Variants in UST observed in about 807,000 individuals in gnomAD.
The protein encoded by UST is chondroitin sulfate 2-O-sulfotransferase.
Under a neutral mutation model 45.6 loss-of-function variants are expected in UST, and 21 were observed. The observed-to-expected ratio is 0.46, with a 90% CI of 0.33 to 0.66. UST has a LOEUF of 0.66. Among genes scored for constraint, UST ranks in the 30% least tolerant of loss-of-function variants. UST has a pLI of 0.02. For missense variants in UST, 463 were observed against 512.4 expected (o/e 0.90, Z 0.93); for synonymous variants, 215 against 200.6 (o/e 1.07, Z -0.61).
intron 1 of UST, among the ~76,000 whole-genome samples, chr6:148,813,104 G>A (rs1338063310): frequency 6.6e-6 from 1 of 152,064 alleles, no homozygotes; most frequent in African/African-American, 2.4e-5. Flanking sequence ...ATTTTCTTAT[G>A]TGTTTGTATT....
chr6:148,843,900 A>T (rs1254922185), intron 1 of UST, among the ~76,000 whole-genome samples: 1 of 152,146 alleles, frequency 6.6e-6, no homozygotes, highest in Non-Finnish European at 1.5e-5. Context: ...ATACTTAATG[A>T]ATACTTGCTG....
chr6:148,797,618 T>C (rs56120758), intron 1 of UST, among the ~76,000 whole-genome samples: 50,705 of 152,020 alleles, frequency 0.33, 9,137 homozygotes, highest in East Asian at 0.61. Context: ...TGATAAGGTA[T>C]GTGATGGAAA....
chr6:148,748,049 G>A lies in UST; in HGVS notation c.247+372G>A, dbSNP rs77069598. 0.012 allele frequency among the ~76,000 whole-genome samples: 1,797 copies of A among 152,214 alleles called. 32 individuals are homozygous for A. The highest frequency in any genetic ancestry group is 0.04 in the African/African-American group (1,648 of 41,528). On this transcript the variant is annotated intron_variant, in intron 1 of 7. Transcript: ENST00000367463. The surrounding 1 kb of genome is among the most constrained non-coding windows in gnomAD (Gnocchi z 5.3). ...GCCTGGCGGCGCGGGGAGTGGCGAAGGGAAGGGAAGGTCCTCTTCGTTGCA... is the reference window on the plus strand; with the variant it reads ...GCCTGGCGGCGCGGGGAGTGGCGAAAGGAAGGGAAGGTCCTCTTCGTTGCA...
At chr6:148,801,758 T>TTC (rs1167224637) in intron 1 of UST, among the ~76,000 whole-genome samples, 1 of 152,254 alleles carries the variant, frequency 6.6e-6, no homozygotes, top group East Asian at 1.9e-4. Flanking sequence ...GCATATCTCA[T>TTC]TCTCTCTCTG....
chr6:149,027,187 A>T (rs958900833), intron 7 of UST, among the ~76,000 whole-genome samples: 1 of 152,230 alleles, frequency 6.6e-6, no homozygotes, highest in African/African-American at 2.4e-5. Context: ...TTTGCTAGAA[A>T]ATGATAACAA....
Position 149,005,599 on chromosome 6 carries a change from C to T in UST, c.682-13540C>T, listed in dbSNP as rs141047690. On this transcript the variant is annotated intron_variant, in intron 5 of 7. Coordinates refer to ENST00000367463, the MANE Select transcript of UST (RefSeq NM_005715.3). ...ATTGGTACTCAGTAAAGGTTAGTCC[C>T]TTCCTTCTTCTCTCCCTCCCTCTCT... 6.9e-4 allele frequency: 681 copies of T among 985,408 alleles called. 6 individuals are homozygous for T. The African/African-American group carries it at 0.011, about 16-fold the overall frequency. The allele number at this position is 985,408 out of a possible 1,614,324, so 61.0% of individuals were successfully genotyped here.
chr6:149,072,358 G>T (rs566837238), intron 7 of UST, among the ~76,000 whole-genome samples: 17 of 152,240 alleles, frequency 1.1e-4, no homozygotes, highest in African/African-American at 3.8e-4. Context: ...AACCTTAAAA[G>T]GAATGAAGTT....
At chr6:148,787,264 A>G (rs1723484630) in intron 1 of UST, among the ~76,000 whole-genome samples, 1 of 152,202 alleles carries the variant, frequency 6.6e-6, no homozygotes, top group Non-Finnish European at 1.5e-5. Context: ...ATCTTTGCCC[A>G]TGCATATGTC....
chr6:149,047,846 TC>T (rs1776416268), intron 7 of UST, among the ~76,000 whole-genome samples: 1 of 152,220 alleles, frequency 6.6e-6, no homozygotes, highest in Non-Finnish European at 1.5e-5. Flanking sequence ...TGGCCAGTGA[TC>T]TTTTTTTAAA....
In UST at chr6:148,921,445, T is replaced by A. The variant is rs146452988; in HGVS notation, c.292-19834T>A. Among the ~76,000 whole-genome samples, 546 of 152,338 alleles carry A rather than the reference T, an allele frequency of 3.6e-3. 5 individuals are homozygous for A. Among genetic ancestry groups the A allele is most frequent in the African/African-American group, 0.013 (525 of 41,564 alleles). ...TGATTTTGTGTGTTGTATAGTATGC[T>A]TGTTGTTTGTTGGGTGGTTGTGAAA... On this transcript the variant is annotated intron_variant, in intron 2 of 7. Coordinates refer to ENST00000367463, the MANE Select transcript of UST (RefSeq NM_005715.3).
At chr6:148,893,046 A>G (rs563602707) in intron 2 of UST, among the ~76,000 whole-genome samples, 2 of 152,346 alleles carry the variant, frequency 1.3e-5, no homozygotes, top group South Asian at 4.1e-4. Context: ...ACAAATAGCT[A>G]GAACTGCTTC....
chr6:148,872,094 C>CATT (rs1778570291), intron 1 of UST, among the ~76,000 whole-genome samples: 3 of 152,130 alleles, frequency 2.0e-5, no homozygotes, highest in African/African-American at 7.2e-5. Flanking sequence ...AATGTACTGA[C>CATT]TCGTAACAAA....
At chr6:149,016,672 C>T (rs1211946468) in intron 5 of UST, among the ~76,000 whole-genome samples, 1 of 152,220 alleles carries the variant, frequency 6.6e-6, no homozygotes, top group Non-Finnish European at 1.5e-5. Context: ...CTGTAGGAGG[C>T]TCTGGCGGTC....
chr6:149,070,303 C>T (rs916343853), intron 7 of UST, among the ~76,000 whole-genome samples: 1 of 152,144 alleles, frequency 6.6e-6, no homozygotes, highest in African/African-American at 2.4e-5. Context: ...AAAGGAACAC[C>T]TAAGACCTGT....
chr6:149,053,122 CT>C (rs1247362560), intron 7 of UST, among the ~76,000 whole-genome samples: 1 of 152,056 alleles, frequency 6.6e-6, no homozygotes, highest in Admixed American at 6.5e-5. Context: ...TTTTAAAAGT[CT>C]TTTTAGGGTC....
chr6:148,951,677 A>G (rs1780368058), intron 3 of UST, among the ~76,000 whole-genome samples: 1 of 152,222 alleles, frequency 6.6e-6, no homozygotes, highest in Admixed American at 6.5e-5. Context: ...AGTTCAGAAT[A>G]TGACTGCTTG....
At chr6:148,981,314 A>T (rs1252549143) in intron 5 of UST, among the ~76,000 whole-genome samples, 4 of 152,232 alleles carry the variant, frequency 2.6e-5, no homozygotes, top group Non-Finnish European at 4.4e-5. Flanking sequence ...ACTTGCCTAC[A>T]GTGAAGCCGC....
chr6:148,803,079 G>C (rs1777081136), intron 1 of UST, among the ~76,000 whole-genome samples: 1 of 152,066 alleles, frequency 6.6e-6, no homozygotes, highest in African/African-American at 2.4e-5. Flanking sequence ...TCCTGTGGCA[G>C]GGGCTGGAGT....
chr6:148,942,943 T>G lies in UST; in HGVS notation c.447+1509T>G, dbSNP rs142324552. 2.6e-5 allele frequency among the ~76,000 whole-genome samples: 4 copies of G among 152,326 alleles called. No individual in the cohort carries two copies. In the East Asian group the frequency reaches 7.7e-4, roughly 29 times the overall value. ...TATTTTAAGGTTATACCTTGTAGGT[T>G]CCATATTAGGGTCTCCAAAGAAAAG... On this transcript the variant is annotated intron_variant, in intron 3 of 7. Coordinates refer to ENST00000367463, the MANE Select transcript of UST (RefSeq NM_005715.3).
Sources: gnomAD v4.1 joint callset for allele counts (sites outside exome capture counted in the v4.1 genomes callset) on GRCh38, gnomAD v4.1.1 for gene constraint, Gnocchi (gnomAD v3.1) non-coding constraint, MANE v1.5 for transcripts, NCBI Gene and HGNC (gene_info 2026-07-23, HGNC 2026-07-21) for gene names.